LPAR6: variants seen among roughly 807,000 people sequenced by gnomAD.
The protein encoded by LPAR6 is lysophosphatidic acid receptor 6.
In LPAR6, 17 loss-of-function variants were observed where a neutral mutation model predicts 22.0. The observed-to-expected ratio is 0.77, with a 90% CI of 0.53 to 1.16. The LOEUF is 1.16. LPAR6 is among the 50% of genes most tolerant of loss of function. The probability of loss-of-function intolerance (pLI) is 0.00; values close to 1 mark genes in which losing one functional copy is unlikely to be tolerated. For missense variants in LPAR6, 384 were observed against 406.9 expected (o/e 0.94, Z 0.48); for synonymous variants, 136 against 139.8 (o/e 0.97, Z 0.19).
intron 1 of LPAR6, among the ~76,000 whole-genome samples, chr13:48,432,842 C>T (rs1169098713): frequency 6.6e-6 from 1 of 151,884 alleles, no homozygotes; most frequent in African/African-American, 2.4e-5. Context: ...TTATAAGAGA[C>T]AGAATAAAAT....
chr13:48,390,970 A>T (rs1330513873), intron 1 of LPAR6, among the ~76,000 whole-genome samples: 1 of 152,098 alleles, frequency 6.6e-6, no homozygotes, highest in Non-Finnish European at 1.5e-5. Context: ...GTGACTATTG[A>T]TATGGTTGGG....
chr13:48,427,221 ATCT>A (rs1261444786), upstream of LPAR6, among the ~76,000 whole-genome samples: 2 of 104,416 alleles, frequency 1.9e-5, no homozygotes, highest in African/African-American at 3.8e-5. Flanking sequence ...AACACGAGTC[ATCT>A]TCTACCAAAC....
At chr13:48,403,242 T>G (rs1477440538) in intron 1 of LPAR6, among the ~76,000 whole-genome samples, 1 of 152,196 alleles carries the variant, frequency 6.6e-6, no homozygotes, top group Non-Finnish European at 1.5e-5. Context: ...ATGAAACTAT[T>G]TCTCATTTAT....
intron 1 of LPAR6, among the ~76,000 whole-genome samples, chr13:48,396,232 C>T (rs556724539): frequency 5.3e-5 from 8 of 152,146 alleles, no homozygotes; most frequent in Admixed American, 1.3e-4. Context: ...CATCACGCTA[C>T]TTGACTTCAA....
Position 48,412,416 on chromosome 13 carries a change from C to G in LPAR6, c.8G>C (p.Ser3Thr). The G allele has an allele frequency of 6.2e-7, 1 of 1,613,190 alleles. No homozygotes were observed. Among genetic ancestry groups the G allele is most frequent in the South Asian group, 1.1e-5 (1 of 91,062 alleles). MVSVNSSHCFYND... is the reference protein window; with the variant it reads MVTVNSSHCFYND... ...ATAGAAGCAGTGGGAGCTGTTAACG[C>G]TTACCATCGTAAAGGCACGTCCAAT... is the stretch of plus-strand genomic sequence containing the variant. Residue 3 changes from serine to threonine, a missense_variant, in exon 1 of 1, where the codon AGC becomes ACC. Ser to Thr is a moderately conservative substitution (Grantham distance 58). Coordinates refer to ENST00000620633, the MANE Select transcript of LPAR6 (RefSeq NM_001162498.3).
intron 1 of LPAR6, among the ~76,000 whole-genome samples, chr13:48,443,828 AAGAT>A (rs1320348701): frequency 1.3e-5 from 2 of 152,214 alleles, no homozygotes; most frequent in Admixed American, 6.5e-5. Flanking sequence ...TTTTGGAAAA[AAGAT>A]AAGCTGAAAA....
downstream of LPAR6, among the ~76,000 whole-genome samples, chr13:48,408,288 CT>C (rs1040385044): frequency 4.0e-5 from 6 of 151,438 alleles, no homozygotes; most frequent in African/African-American, 1.5e-4. Flanking sequence ...TATTTTTATG[CT>C]TTTTAAAATA....
At position 48,403,395 on chromosome 13, in the gene LPAR6, C is replaced by G. The variant is rs1433177212; in HGVS notation, n.114+12305G>C. On this transcript the variant is annotated intron_variant and non_coding_transcript_variant, in intron 1 of 1. Transcript: ENST00000462781. ...ACCCAGCAGTACTCAGACTGTGAAG[C>G]AGAAAAACTGTGGAGGGAAGTGGAG... Among the ~76,000 whole-genome samples, 7 of 152,050 alleles carry G rather than the reference C, an allele frequency of 4.6e-5. No homozygotes were observed. In the East Asian group the frequency reaches 1.3e-3, roughly 29 times the overall value.
intron 2 of LPAR6, among the ~76,000 whole-genome samples, chr13:48,422,178 T>C (rs537075253): frequency 6.6e-6 from 1 of 152,296 alleles, no homozygotes; most frequent in African/African-American, 2.4e-5. Flanking sequence ...CATCGAATAC[T>C]ATGCAGCCAT....
upstream of LPAR6, among the ~76,000 whole-genome samples, chr13:48,414,997 T>G (rs1405314971): frequency 6.6e-6 from 1 of 152,172 alleles, no homozygotes; most frequent in Non-Finnish European, 1.5e-5. Flanking sequence ...ACTGTTATTT[T>G]TTTTTTATTT....
At chr13:48,436,032 AC>A in intron 1 of LPAR6, among the ~76,000 whole-genome samples, 1 of 152,320 alleles carries the variant, frequency 6.6e-6, no homozygotes, top group Non-Finnish European at 1.5e-5. Context: ...ATATAAAGAC[AC>A]GAATATGTTA....
chr13:48,408,095 A>G (rs1251245277), downstream of LPAR6, among the ~76,000 whole-genome samples: 1 of 152,046 alleles, frequency 6.6e-6, no homozygotes, highest in African/African-American at 2.4e-5. Flanking sequence ...AGTTTGCTCC[A>G]TTTTCTATTT....
At position 48,412,072 on chromosome 13, in the gene LPAR6, T is replaced by C; in HGVS notation, c.352A>G (p.Ile118Val). 3 of 1,403,942 alleles carry C rather than the reference T, an allele frequency of 2.1e-6. No homozygotes were observed. Among genetic ancestry groups the C allele is most frequent in the Non-Finnish European group, 2.8e-6 (3 of 1,067,388 alleles). The allele number at this position is 1,403,942 out of a possible 1,614,324, so 87.0% of individuals were successfully genotyped here. A position where few individuals can be genotyped will look rare whatever the true frequency, so the allele number is the denominator to read the frequency against. The change falls in exon 1 of 1, where the codon ATT (isoleucine) becomes GTT (valine). Residue 118 changes from isoleucine (I) to valine (V), a missense_variant. Physicochemically the swap from Ile to Val is conservative, Grantham distance 29. Transcript: ENST00000620633. ...TCISVDRFLA[I>V]VYPFKSKTLR... ...GTCTTTGACTTAAATGGGTAGACAATTGCCAGAAATCGATCTACACTAATA... is the reference window on the plus strand; with the variant it reads ...GTCTTTGACTTAAATGGGTAGACAACTGCCAGAAATCGATCTACACTAATA...
chr13:48,391,979 C>T (rs546688255), intron 1 of LPAR6, among the ~76,000 whole-genome samples: 1 of 152,090 alleles, frequency 6.6e-6, no homozygotes, highest in African/African-American at 2.4e-5. Context: ...GCTTTTATGT[C>T]TGGAAAAAAA....
At position 48,411,492 on chromosome 13, in the gene LPAR6, C is replaced by A; in HGVS notation, c.932G>T (p.Arg311Ile). The change falls in exon 1 of 1, where the codon AGA (arginine) becomes ATA (isoleucine). Residue 311 changes from arginine to isoleucine, a missense_variant. Coordinates refer to ENST00000620633, the MANE Select transcript of LPAR6 (RefSeq NM_001162498.3). ...SIKMKNWSVR[R>I]SDFRFSEVHG... ...AACTTCAGAGAATCTGAAGTCACTT[C>A]TCCTGACAGACCAGTTTTTCATTTT... is the stretch of plus-strand genomic sequence containing the variant. The A allele has an allele frequency of 6.2e-7, 1 of 1,612,778 alleles. No individual in the cohort carries two copies. The highest frequency in any genetic ancestry group is 8.5e-7 in the Non-Finnish European group (1 of 1,179,176).
intron 1 of LPAR6, among the ~76,000 whole-genome samples, chr13:48,391,838 C>T (rs138767758): frequency 0.01 from 1,547 of 152,100 alleles, 17 homozygotes; most frequent in Non-Finnish European, 0.015. Context: ...AGGCTGGTCT[C>T]GAACTCCTGA....
chr13:48,408,747 AC>A (rs1948762101), downstream of LPAR6: 1 of 152,132 alleles, frequency 6.6e-6, no homozygotes. Context: ...ATCTTACAAA[AC>A]TTTTGATTCA....
chr13:48,402,379 C>CTTTTTTTTTT (rs545934425), intron 1 of LPAR6, among the ~76,000 whole-genome samples: 3,922 of 125,610 alleles, frequency 0.031, 151 homozygotes, highest in African/African-American at 0.039. Flanking sequence ...TGTAGAAAAC[C>CTTTTTTTTTT]TTTTTTTTTT....
chr13:48,393,509 T>C (rs1208680367), intron 1 of LPAR6, among the ~76,000 whole-genome samples: 1 of 152,242 alleles, frequency 6.6e-6, no homozygotes, highest in Admixed American at 6.5e-5. Context: ...AATTCTTTTA[T>C]TTATGTTGTT....
Sources: allele counts gnomAD v4.1 joint callset (sites outside exome capture counted in the v4.1 genomes callset), GRCh38; gene constraint gnomAD v4.1.1; transcripts MANE v1.5; gene names NCBI Gene and HGNC (gene_info 2026-07-23, HGNC 2026-07-21).